The following HEXD variants were observed in gnomAD, a reference collection of about 807,000 sequenced individuals.
HEXD encodes the protein N-acetyl-beta-galactosaminidase.
Under a neutral mutation model 54.2 loss-of-function variants are expected in HEXD, and 47 were observed. The observed-to-expected ratio is 0.87, with a 90% CI of 0.69 to 1.11. The LOEUF (loss-of-function observed/expected upper bound fraction) is 1.11. HEXD is among the 50% of genes least tolerant of loss of function. The probability of loss-of-function intolerance (pLI) is 0.00; values close to 1 mark genes in which losing one functional copy is unlikely to be tolerated. For synonymous variants in HEXD, 293 were observed against 287.6 expected (o/e 1.02, Z -0.19); for missense variants, 576 against 649.2 (o/e 0.89, Z 1.23).
chr17:82,432,929 G>A (rs918272449), intron 4 of HEXD, among the ~76,000 whole-genome samples: 3 of 147,644 alleles, frequency 2.0e-5, no homozygotes, highest in Non-Finnish European at 4.5e-5. Flanking sequence ...AGCCGGGCGT[G>A]GTGGCGGGCG....
chr17:82,425,433 C>T (rs1036115355), intron 3 of HEXD: 1 of 162,912 alleles, frequency 6.1e-6, no homozygotes, highest in Non-Finnish European at 1.3e-5. Context: ...CTGGAGGAGG[C>T]CTCCGCGCAG....
chr17:82,433,077 G>GAAGAAAA lies in HEXD; in HGVS notation c.283-579_283-578insGAAAAAA, dbSNP rs1420632605. ...CAAGACTCCATCTCAAAAAAAAAAA[G>GAAGAAAA]AAAAAAAAAAAAAAATATATATATA... On this transcript the variant is annotated intron_variant, in intron 4 of 12. Coordinates refer to ENST00000327949, the MANE Select transcript of HEXD (RefSeq NM_001330542.2). 5.1e-4 allele frequency among the ~76,000 whole-genome samples: 4 copies of GAAGAAAA among 7,834 alleles called. 1 individual carries two copies. Among genetic ancestry groups the GAAGAAAA allele is most frequent in the Admixed American group, 2.8e-3 (1 of 352 alleles). The allele number at this position is 7,834 out of a possible 152,430, so 5.1% of individuals were successfully genotyped here. A position where few individuals can be genotyped will look rare whatever the true frequency, so the allele number is the denominator to read the frequency against.
Position 82,442,449 on chromosome 17 carries a change from T to G in HEXD, c.*65T>G. The G allele has an allele frequency of 6.2e-7, 1 of 1,609,436 alleles. No individual in the cohort carries two copies. The highest frequency in any genetic ancestry group is 1.3e-5 in the African/African-American group (1 of 74,978). On this transcript the variant is annotated 3_prime_UTR_variant, in exon 13 of 13. Transcript: ENST00000327949. This position sits in a 1 kb window ranked among gnomAD's most constrained non-coding sequence, Gnocchi z 6.8. Reference sequence around the variant, plus strand: ...GGGGGCTCTGCACTGCCAAATGGCCTGGGCAATACGGGCCCACGTGGGCGT... The same window carrying G: ...GGGGGCTCTGCACTGCCAAATGGCCGGGGCAATACGGGCCCACGTGGGCGT...
chr17:82,435,288 G>A (rs1054503566), intron 5 of HEXD, among the ~76,000 whole-genome samples: 5 of 151,746 alleles, frequency 3.3e-5, no homozygotes, highest in African/African-American at 1.2e-4. Flanking sequence ...GGATTTGCCC[G>A]TCTGGGCATT....
intron 9 of HEXD, chr17:82,440,341 G>A (rs2053896962): frequency 8.1e-7 from 1 of 1,231,464 alleles, no homozygotes; most frequent in Non-Finnish European, 1.0e-6. Context: ...GCCGGTGAGA[G>A]GACGCAGAAT....
intron 9 of HEXD, 93 bp from the exon 10 acceptor site, chr17:82,440,904 C>G (rs1280246941): frequency 7.0e-7 from 1 of 1,419,556 alleles, no homozygotes; most frequent in African/African-American, 1.4e-5. Context: ...GCCGCCCGCC[C>G]ACTGCCCCAG....
rs879289678 is a variant in HEXD at position 82,431,430 on chromosome 17, A to ATT, written c.283-2213_283-2212dup. On this transcript the variant is annotated intron_variant, in intron 4 of 12. Coordinates refer to ENST00000327949, the MANE Select transcript of HEXD (RefSeq NM_001330542.2). The stretch of plus-strand genomic sequence containing the variant: ...CCCGCCTCTGCCTCCCTAAGTGCTA[A>ATT]TTTTTTTTTTTTTTTTGAGACAGAG... 6.6e-3 allele frequency among the ~76,000 whole-genome samples: 894 copies of ATT among 134,572 alleles called. 4 individuals are homozygous for ATT. The highest frequency in any genetic ancestry group is 9.9e-3 in the Non-Finnish European group (606 of 61,516). 88.3% of individuals were successfully genotyped at this position (134,572 alleles called of 152,430 possible).
rs1348657063 is a variant in HEXD, at chr17:82,440,912, C to T, written c.983-85C>T. The T allele has an allele frequency of 2.0e-6, 3 of 1,476,858 alleles. No homozygotes were observed. The Admixed American group carries it at 5.5e-5, about 27-fold the overall frequency. 91.5% of individuals were successfully genotyped at this position (1,476,858 alleles called of 1,614,324 possible). On this transcript the variant is annotated intron_variant, in intron 9 of 12. Transcript: ENST00000327949. Reference sequence around the variant, plus strand: ...CTCCATTGCCGCCCGCCCACTGCCCCAGTACCTAGGCCTGCAGGTCCCAAT... The same window carrying T: ...CTCCATTGCCGCCCGCCCACTGCCCTAGTACCTAGGCCTGCAGGTCCCAAT...
chr17:82,437,135 T>G (rs1430865160), intron 7 of HEXD, 33 bp from the exon 8 acceptor site: 1 of 1,544,714 alleles, frequency 6.5e-7, no homozygotes. Context: ...CCGCCTCCCC[T>G]GGAGCCACTC....
chr17:82,433,943 AC>A (rs983768962), intron 5 of HEXD, 121 bp downstream of exon 5: 2 of 894,570 alleles, frequency 2.2e-6, no homozygotes, highest in Non-Finnish European at 3.3e-6. Context: ...CCCTCAGGGC[AC>A]CCCATCCAAC....
At chr17:82,433,149 ATATATT>A (rs2053660332) in intron 4 of HEXD, among the ~76,000 whole-genome samples, 1 of 72,814 alleles carries the variant, frequency 1.4e-5, no homozygotes, top group African/African-American at 5.3e-5. Context: ...TTTTTTATAT[ATATATT>A]TTTAGTCTGG....
At chr17:82,440,855 G>C in intron 9 of HEXD, 142 bp from the exon 10 acceptor site, 1 of 878,464 alleles carries the variant, frequency 1.1e-6, no homozygotes, top group Non-Finnish European at 1.8e-6. Flanking sequence ...CCTTGGGGCC[G>C]GCACACGCGG....
At chr17:82,437,419 C>A in intron 8 of HEXD, 56 bp downstream of exon 8, 2 of 1,441,892 alleles carry the variant, frequency 1.4e-6, no homozygotes, top group Admixed American at 2.2e-5. Context: ...GTGGCCACCA[C>A]GTCGGCCTGT....
intron 8 of HEXD, 160 bp from the exon 9 acceptor site, chr17:82,439,471 T>G: frequency 1.0e-6 from 1 of 985,344 alleles, no homozygotes; most frequent in Non-Finnish European, 1.2e-6. Flanking sequence ...AGAACCTGTC[T>G]TGGAAACCCT....
At chr17:82,428,763 G>A (rs1252956079) in intron 4 of HEXD, 118 bp downstream of exon 4, 21 of 809,498 alleles carry the variant, frequency 2.6e-5, no homozygotes, top group Admixed American at 7.5e-5. Flanking sequence ...TGCAGGCAGC[G>A]CAGCTCAGCA....
rs569847014 is a variant in HEXD, at chr17:82,442,049, C to A, written c.1254-128C>A. On this transcript the variant is annotated intron_variant, in intron 12 of 12. Coordinates refer to ENST00000327949, the MANE Select transcript of HEXD (RefSeq NM_001330542.2). The surrounding 1 kb of genome is among the most constrained non-coding windows in gnomAD (Gnocchi z 6.8). Reference sequence around the variant, plus strand: ...GCTGTCACCGACTTGTTCCTCCCGACATGCCGATGAGGTAGGGTCAGTAGC... The same window carrying A: ...GCTGTCACCGACTTGTTCCTCCCGAAATGCCGATGAGGTAGGGTCAGTAGC... The A allele has an allele frequency of 1.9e-5, 25 of 1,341,878 alleles. No homozygotes were observed. The highest frequency in any genetic ancestry group is 2.4e-5 in the Non-Finnish European group (23 of 966,730). 83.1% of individuals were successfully genotyped at this position (1,341,878 alleles called of 1,614,324 possible).
rs368096079 is a variant in HEXD at position 82,436,739 on chromosome 17, G to A, written c.703+1G>A. 13 of 1,611,430 alleles carry A rather than the reference G, an allele frequency of 8.1e-6. No individual in the cohort carries two copies. The highest frequency in any genetic ancestry group is 4.0e-5 in the African/African-American group (3 of 74,916). ...GCCGACCTGGATGTGCACGGCAAGGGTCAGTGCCAAGTTGTGGGGGGTGTG... is the reference window on the plus strand; with the variant it reads ...GCCGACCTGGATGTGCACGGCAAGGATCAGTGCCAAGTTGTGGGGGGTGTG... On this transcript the variant is annotated splice_donor_variant, in intron 7 of 12. Coordinates refer to ENST00000327949, the MANE Select transcript of HEXD (RefSeq NM_001330542.2). LOFTEE classifies it high-confidence loss of function.
At chr17:82,427,180 G>A in intron 3 of HEXD, 1 of 151,204 alleles carries the variant, frequency 6.6e-6, no homozygotes, top group Non-Finnish European at 1.5e-5. Context: ...GTGCGCACCT[G>A]TAATCCCAGC....
rs1184178552 is a variant in HEXD at position 82,434,350 on chromosome 17, T to C, written c.447+528T>C. On this transcript the variant is annotated intron_variant, in intron 5 of 12. Coordinates refer to ENST00000327949, the MANE Select transcript of HEXD (RefSeq NM_001330542.2). This position sits in a 1 kb window ranked among gnomAD's most constrained non-coding sequence, Gnocchi z 4.5. Reference sequence around the variant, plus strand: ...CACCCTTGCCCCTCCTGCCACTCACTGGACTCCAACTCAGTCAGGGCCTGG... The same window carrying C: ...CACCCTTGCCCCTCCTGCCACTCACCGGACTCCAACTCAGTCAGGGCCTGG... 6.6e-6 allele frequency among the ~76,000 whole-genome samples: 1 copy of C among 152,152 alleles called. No homozygotes were observed. Among genetic ancestry groups the C allele is most frequent in the African/African-American group, 2.4e-5 (1 of 41,424 alleles).
Sources: allele counts gnomAD v4.1 joint callset (sites outside exome capture counted in the v4.1 genomes callset), GRCh38; gene constraint gnomAD v4.1.1; non-coding constraint Gnocchi (gnomAD v3.1); transcripts MANE v1.5; gene names NCBI Gene and HGNC (gene_info 2026-07-23, HGNC 2026-07-21).